The following DOLPP1 variants were observed in gnomAD, a reference collection of about 807,000 sequenced individuals.
DOLPP1 encodes dolichyldiphosphatase 1, also known as dolichyl pyrophosphate phosphatase 1.
A neutral mutation model predicts 34.1 loss-of-function variants in DOLPP1; 15 were observed. That is an observed-to-expected ratio of 0.44 (90% CI 0.29 to 0.68). The LOEUF (loss-of-function observed/expected upper bound fraction) is 0.68. Ranked by LOEUF, DOLPP1 falls within the 30% of genes least tolerant of loss-of-function variation. The pLI is 0.12. For synonymous variants in DOLPP1, 130 were observed against 128.2 expected, an observed-to-expected ratio of 1.01 and a Z score of -0.10; for missense variants, 249 against 307.1, an observed-to-expected ratio of 0.81 and a Z score of 1.41.
intron 1 of DOLPP1, among the ~76,000 whole-genome samples, chr9:129,083,441 T>C (rs1846927189): frequency 6.6e-6 from 1 of 152,168 alleles, no homozygotes; most frequent in Admixed American, 6.5e-5. Flanking sequence ...CCCCAGGCAC[T>C]TAGCTGGGCT....
rs1846967023 is a variant in DOLPP1 at position 129,085,247 on chromosome 9, C to T, written c.303C>T (p.Ser101=). 2 of 1,614,108 alleles carry T rather than the reference C, an allele frequency of 1.2e-6. No individual in the cohort carries two copies. The highest frequency in any genetic ancestry group is 8.5e-7 in the Non-Finnish European group (1 of 1,180,024). ...TGGGCACCAAGTACGGGATGCCCTC[C>T]AGCCATTCCCAGTTTATGTGGTTCT... The part of the protein sequence containing the change: ...TAVGTKYGMP[S]SHSQFMWFFS... The change falls in exon 4 of 8, where the codon TCC becomes TCT. Residue 101 remains serine (S), a synonymous_variant. Transcript: ENST00000372546. The surrounding 1 kb of genome is among the most constrained non-coding windows in gnomAD (Gnocchi z 7.0).
intron 1 of DOLPP1, among the ~76,000 whole-genome samples, chr9:129,083,017 G>C (rs117782075): frequency 2.6e-5 from 4 of 152,146 alleles, no homozygotes; most frequent in South Asian, 2.1e-4. Context: ...CGTCCCAGGT[G>C]GGGGGAAACT....
At chr9:129,083,286 G>T (rs1846924469) in intron 1 of DOLPP1, among the ~76,000 whole-genome samples, 1 of 152,194 alleles carries the variant, frequency 6.6e-6, no homozygotes, top group Admixed American at 6.5e-5. Flanking sequence ...AGGCTATGGA[G>T]ATGGCTAAAG....
chr9:129,083,234 A>G (rs1273421400), intron 1 of DOLPP1, among the ~76,000 whole-genome samples: 1 of 152,164 alleles, frequency 6.6e-6, no homozygotes, highest in African/African-American at 2.4e-5. Context: ...AGTCCCTGGT[A>G]GCATCTTCAG....
At chr9:129,087,143 T>C (rs968129115) in intron 7 of DOLPP1, among the ~76,000 whole-genome samples, 1 of 151,534 alleles carries the variant, frequency 6.6e-6, no homozygotes, top group Non-Finnish European at 1.5e-5. Flanking sequence ...TTAGTCCAGA[T>C]GCTTTCTTAG....
At position 129,086,136 on chromosome 9, in the gene DOLPP1, C is replaced by G. The variant is rs758720328; in HGVS notation, c.462-3C>G. On this transcript the variant is annotated splice_region_variant and splice_polypyrimidine_tract_variant and intron_variant, in intron 5 of 7. Coordinates refer to ENST00000372546, the MANE Select transcript of DOLPP1 (RefSeq NM_020438.5). ...ACATACTTCGCTTCTGGCCTTGGCC[C>G]AGGGTCTACCTGCTGTACCACACCT... The G allele has an allele frequency of 1.9e-6, 3 of 1,612,992 alleles. No individual in the cohort carries two copies. The highest frequency in any genetic ancestry group is 2.5e-6 in the Non-Finnish European group (3 of 1,179,692).
rs367785785 is a variant in DOLPP1 at position 129,089,047 on chromosome 9, G to A, written c.*40G>A. On this transcript the variant is annotated 3_prime_UTR_variant, in exon 8 of 8. Coordinates refer to ENST00000372546, the MANE Select transcript of DOLPP1 (RefSeq NM_020438.5). This position sits in a 1 kb window ranked among gnomAD's most constrained non-coding sequence, Gnocchi z 4.9. ...TGGGTCCAGCCTCCAGATCTGGCCCGCACGATGCCTTGCAGGATGGACAGG... is the reference window on the plus strand; with the variant it reads ...TGGGTCCAGCCTCCAGATCTGGCCCACACGATGCCTTGCAGGATGGACAGG... 9.3e-6 allele frequency: 15 copies of A among 1,606,542 alleles called. No homozygotes were observed. Among genetic ancestry groups the A allele is most frequent in the East Asian group, 4.5e-5 (2 of 44,768 alleles).
chr9:129,085,144 G>A lies in DOLPP1; in HGVS notation c.262+37G>A. On this transcript the variant is annotated intron_variant, in intron 3 of 7. Coordinates refer to ENST00000372546, the MANE Select transcript of DOLPP1 (RefSeq NM_020438.5). This position sits in a 1 kb window ranked among gnomAD's most constrained non-coding sequence, Gnocchi z 7.0. ...GCTGCGAGGGCCTGAGGTTCCCCCA[G>A]GTTGGGGCGTTACTGGGAGGTCTGC... 6.2e-7 allele frequency: 1 copy of A among 1,609,870 alleles called. No homozygotes were observed. Among genetic ancestry groups the A allele is most frequent in the Non-Finnish European group, 8.5e-7 (1 of 1,177,760 alleles).
At chr9:129,084,199 G>T (rs1432018279) in intron 1 of DOLPP1, among the ~76,000 whole-genome samples, 1 of 152,234 alleles carries the variant, frequency 6.6e-6, no homozygotes, top group Non-Finnish European at 1.5e-5. Context: ...ACAACAGTGT[G>T]TGGCTCTCAT....
At chr9:129,081,231 G>A (rs777852920) in intron 1 of DOLPP1, 24 bp downstream of exon 1, 2 of 1,605,724 alleles carry the variant, frequency 1.2e-6, no homozygotes, top group East Asian at 2.3e-5. Flanking sequence ...CCGGCTCCAA[G>A]GACGCCTTCC....
intron 7 of DOLPP1, among the ~76,000 whole-genome samples, chr9:129,087,027 C>T (rs1434258704): frequency 6.6e-6 from 1 of 152,204 alleles, no homozygotes. Flanking sequence ...GGTGGTGAAC[C>T]CAGGCTGTCT....
intron 6 of DOLPP1, 44 bp downstream of exon 6, chr9:129,086,311 TC>T (rs1161250948): frequency 2.5e-6 from 4 of 1,607,332 alleles, no homozygotes; most frequent in South Asian, 1.1e-5. Context: ...CCCTGTCCCC[TC>T]CTGTGGGTGG....
rs977753871 is a variant in DOLPP1 at position 129,089,282 on chromosome 9, C to T, written c.*275C>T. 1.0e-4 allele frequency: 38 copies of T among 380,672 alleles called. No individual in the cohort carries two copies. Among genetic ancestry groups the T allele is most frequent in the Middle Eastern group, 7.6e-4 (1 of 1,324 alleles). 23.6% of individuals were successfully genotyped at this position (380,672 alleles called of 1,614,324 possible). A position where few individuals can be genotyped will look rare whatever the true frequency, so the allele number is the denominator to read the frequency against. On this transcript the variant is annotated 3_prime_UTR_variant, in exon 8 of 8. Coordinates refer to ENST00000372546, the MANE Select transcript of DOLPP1 (RefSeq NM_020438.5). The surrounding 1 kb of genome is among the most constrained non-coding windows in gnomAD (Gnocchi z 4.9). ...CCCCTGGCTGGGCAGAAAGTGCCCT[C>T]GGCATGGGCACCTGGGTGTGGGGTG...
Position 129,081,190 on chromosome 9 carries a change from A to C in DOLPP1, c.59A>C (p.His20Pro). The change falls in exon 1 of 8, where the codon CAC (histidine) becomes CCC (proline). Residue 20 changes from histidine to proline, a missense_variant. His to Pro is a moderately conservative substitution (Grantham distance 77). Coordinates refer to ENST00000372546, the MANE Select transcript of DOLPP1 (RefSeq NM_020438.5). ...TCATGGCGGCCGGTGACCCTCACCC[A>C]CGTCGAATATCCTGCAGGTAAAAGG... ...PASWRPVTLT[H>P]VEYPAGDLSG... The C allele has an allele frequency of 6.2e-7, 1 of 1,610,256 alleles. No homozygotes were observed.
chr9:129,088,102 C>T (rs960139509), intron 7 of DOLPP1, among the ~76,000 whole-genome samples: 1 of 139,628 alleles, frequency 7.2e-6, no homozygotes, highest in African/African-American at 2.7e-5. Context: ...CAGCTTGTGT[C>T]GGGAGCCTAT....
chr9:129,090,203 CA>C lies in DOLPP1; in HGVS notation c.*1197del, dbSNP rs1226023438. ...GGAGTTTCCTAACCTGCTGCTGAAGCACAATGTTTTGGTGCTTTCTTTTCTC... is the reference window on the plus strand; with the variant it reads ...GGAGTTTCCTAACCTGCTGCTGAAGCCAATGTTTTGGTGCTTTCTTTTCTC... On this transcript the variant is annotated 3_prime_UTR_variant, in exon 8 of 8. Transcript: ENST00000372546. The C allele has an allele frequency of 6.6e-6, 1 of 152,640 alleles. No individual in the cohort carries two copies. The highest frequency in any genetic ancestry group is 1.5e-5 in the Non-Finnish European group (1 of 68,058). 9.5% of individuals were successfully genotyped at this position (152,640 alleles called of 1,614,324 possible). A position where few individuals can be genotyped will look rare whatever the true frequency, so the allele number is the denominator to read the frequency against.
In DOLPP1 at chr9:129,089,358, G is replaced by A. The variant is rs901860223; in HGVS notation, c.*351G>A. ...CTCGGGGCCAGGAATTCCAGGTGGC[G>A]TGAGAAGTACACACTATTTATTTTT... On this transcript the variant is annotated 3_prime_UTR_variant, in exon 8 of 8. Coordinates refer to ENST00000372546, the MANE Select transcript of DOLPP1 (RefSeq NM_020438.5). This position sits in a 1 kb window ranked among gnomAD's most constrained non-coding sequence, Gnocchi z 4.9. 32 of 267,422 alleles carry A rather than the reference G, an allele frequency of 1.2e-4. No individual in the cohort carries two copies. The highest frequency in any genetic ancestry group is 3.9e-4 in the South Asian group (7 of 17,940). The allele number at this position is 267,422 out of a possible 1,614,324, so 16.6% of individuals were successfully genotyped here.
At chr9:129,088,814 C>T (rs1052255084) in intron 7 of DOLPP1, among the ~76,000 whole-genome samples, 157 bp from the exon 8 acceptor site, 2 of 152,206 alleles carry the variant, frequency 1.3e-5, no homozygotes, top group African/African-American at 4.8e-5. Context: ...AGGTGCCATT[C>T]CCAGGGCAGG....
intron 7 of DOLPP1, among the ~76,000 whole-genome samples, chr9:129,087,568 G>A (rs1847015552): frequency 6.6e-6 from 1 of 152,126 alleles, no homozygotes; most frequent in African/African-American, 2.4e-5. Flanking sequence ...CACCCGCCTC[G>A]GCCTTCCAAA....
Sources: allele counts gnomAD v4.1 joint callset (sites outside exome capture counted in the v4.1 genomes callset), GRCh38; gene constraint gnomAD v4.1.1; non-coding constraint Gnocchi (gnomAD v3.1); transcripts MANE v1.5; gene names NCBI Gene and HGNC (gene_info 2026-07-23, HGNC 2026-07-21).